Variants in RSU1 observed in about 807,000 individuals in gnomAD.
RSU1 encodes rsu-1.
RSU1 carries 26 observed loss-of-function variants against 31.1 expected under a neutral mutation model. That is an observed-to-expected ratio of 0.84 (90% CI 0.61 to 1.16). RSU1 has a LOEUF of 1.16. Ranked by LOEUF, RSU1 falls within the 50% of genes most tolerant of loss-of-function variation. The pLI is 0.00. For synonymous variants in RSU1, 164 were observed against 136.3 expected (o/e 1.20, Z -1.41); for missense variants, 320 against 339.1 (o/e 0.94, Z 0.44).
At chr10:16,784,312 G>A (rs1837723950) in intron 2 of RSU1, among the ~76,000 whole-genome samples, 1 of 152,148 alleles carries the variant, frequency 6.6e-6, no homozygotes, top group Non-Finnish European at 1.5e-5. Context: ...CTGTTGCCCA[G>A]GCTGGAGATT....
chr10:16,803,038 GT>G, intron 2 of RSU1, among the ~76,000 whole-genome samples: 1 of 152,208 alleles, frequency 6.6e-6, no homozygotes, highest in Non-Finnish European at 1.5e-5. Context: ...ACGCAGTAAG[GT>G]AAGAAAAAGC....
rs1346764024 is a variant in RSU1 at position 16,695,779 on chromosome 10, G to T, written c.599-624C>A. ...ATACTAATATTACTTTATAGGTGAA[G>T]AAATGGAAACTTAAGGAAATTAACT... On this transcript the variant is annotated intron_variant, in intron 7 of 8. Coordinates refer to ENST00000345264, the MANE Select transcript of RSU1 (RefSeq NM_012425.4). Among the ~76,000 whole-genome samples, 4 of 152,176 alleles carry T rather than the reference G, an allele frequency of 2.6e-5. No individual in the cohort carries two copies. The East Asian group carries it at 7.7e-4, about 29-fold the overall frequency.
chr10:16,603,240 T>C (rs572851786), intron 8 of RSU1, among the ~76,000 whole-genome samples: 3 of 152,232 alleles, frequency 2.0e-5, no homozygotes, highest in Admixed American at 1.3e-4. Flanking sequence ...TTAAGACAGA[T>C]AGCAAGCTAT....
intron 8 of RSU1, among the ~76,000 whole-genome samples, chr10:16,674,104 T>G (rs1835173949): frequency 6.6e-6 from 1 of 152,054 alleles, no homozygotes; most frequent in Non-Finnish European, 1.5e-5. Flanking sequence ...AAACAAAATA[T>G]AAGGCAAGTG....
chr10:16,707,957 T>G (rs1175153542), intron 7 of RSU1, among the ~76,000 whole-genome samples: 1 of 152,176 alleles, frequency 6.6e-6, no homozygotes, highest in Non-Finnish European at 1.5e-5. Flanking sequence ...CCCAGCACCA[T>G]TTACTAAAGA....
chr10:16,602,248 G>C (rs1833725545), intron 8 of RSU1, among the ~76,000 whole-genome samples: 2 of 152,206 alleles, frequency 1.3e-5, no homozygotes, highest in East Asian at 1.9e-4. Flanking sequence ...GATACATAAA[G>C]TGACTCCTGA....
At chr10:16,713,359 C>T (rs1335884429) in intron 7 of RSU1, among the ~76,000 whole-genome samples, 7 of 152,152 alleles carry the variant, frequency 4.6e-5, no homozygotes, top group Admixed American at 6.5e-5. Flanking sequence ...TTAATGGTAT[C>T]GCATGAGTCC....
chr10:16,641,663 A>T (rs962841258), intron 8 of RSU1, among the ~76,000 whole-genome samples: 6 of 152,128 alleles, frequency 3.9e-5, no homozygotes, highest in African/African-American at 1.4e-4. Flanking sequence ...TCCATTGCCA[A>T]CAACAGCCCC....
chr10:16,603,373 C>A lies in RSU1; in HGVS notation c.732-9877G>T, dbSNP rs145674094. Reference sequence around the variant, plus strand: ...GCAGAGCAAAACTAACAATATCATGCAAAAAAGATGCTCATTAAACTTCAT... The same window carrying A: ...GCAGAGCAAAACTAACAATATCATGAAAAAAAGATGCTCATTAAACTTCAT... On this transcript the variant is annotated intron_variant, in intron 8 of 8. Coordinates refer to ENST00000345264, the MANE Select transcript of RSU1 (RefSeq NM_012425.4). Among the ~76,000 whole-genome samples the A allele has an allele frequency of 3.0e-3, 461 of 152,204 alleles. 4 individuals carry two copies. Among genetic ancestry groups the A allele is most frequent in the African/African-American group, 0.011 (445 of 41,530 alleles).
intron 8 of RSU1, among the ~76,000 whole-genome samples, chr10:16,651,232 A>T (rs529478460): frequency 1.2e-4 from 19 of 152,340 alleles, no homozygotes; most frequent in African/African-American, 4.3e-4. Flanking sequence ...AATCAATGAT[A>T]TGAAGCAACC....
intron 8 of RSU1, among the ~76,000 whole-genome samples, chr10:16,647,821 G>A (rs1834599908): frequency 6.6e-6 from 1 of 152,160 alleles, no homozygotes; most frequent in Non-Finnish European, 1.5e-5. Context: ...TGTATGGGAT[G>A]TGAATTTTAT....
intron 8 of RSU1, among the ~76,000 whole-genome samples, chr10:16,623,443 C>G (rs947783285): frequency 6.6e-6 from 1 of 152,162 alleles, no homozygotes; most frequent in Non-Finnish European, 1.5e-5. Context: ...CGATGGGCAC[C>G]CAGGTTGATT....
intron 8 of RSU1, among the ~76,000 whole-genome samples, chr10:16,603,753 C>A (rs1833750907): frequency 6.6e-6 from 1 of 152,114 alleles, no homozygotes; most frequent in African/African-American, 2.4e-5. Context: ...GAGTGGATTT[C>A]TTTTATTTAT....
chr10:16,606,493 T>C (rs1833807464), intron 8 of RSU1, among the ~76,000 whole-genome samples: 2 of 152,126 alleles, frequency 1.3e-5, no homozygotes, highest in Non-Finnish European at 2.9e-5. Context: ...TGAATTTTTA[T>C]TATCATGGAA....
intron 8 of RSU1, among the ~76,000 whole-genome samples, chr10:16,652,316 G>C (rs1834698777): frequency 6.8e-6 from 1 of 146,652 alleles, no homozygotes. Context: ...GTAAAAGGAG[G>C]CTGATTGAGA....
intron 7 of RSU1, among the ~76,000 whole-genome samples, chr10:16,703,479 A>C (rs1326381245): frequency 1.3e-5 from 2 of 152,216 alleles, no homozygotes; most frequent in African/African-American, 4.8e-5. Context: ...CATATTAACA[A>C]TGATTTATGA....
At chr10:16,691,149 C>T (rs773376425) in intron 8 of RSU1, among the ~76,000 whole-genome samples, 1 of 152,014 alleles carries the variant, frequency 6.6e-6, no homozygotes, top group South Asian at 2.1e-4. Context: ...ACATGTAAAA[C>T]GTTTTTAAAA....
At position 16,679,264 on chromosome 10, in the gene RSU1, A is replaced by G. The variant is rs1013376532; in HGVS notation, c.731+15759T>C. 1.6e-4 allele frequency among the ~76,000 whole-genome samples: 24 copies of G among 152,228 alleles called. 2 individuals are homozygous for G. Among genetic ancestry groups the G allele is most frequent in the Non-Finnish European group, 4.4e-5 (3 of 68,042 alleles). On this transcript the variant is annotated intron_variant, in intron 8 of 8. Transcript: ENST00000345264. ...GGATGTCATGTGCAAAGCCCAGTCA[A>G]GAAGGAATCTTGCTTTCAAAAAGAC...
chr10:16,744,936 C>A (rs1303682521), intron 7 of RSU1, among the ~76,000 whole-genome samples: 2 of 152,176 alleles, frequency 1.3e-5, no homozygotes, highest in Admixed American at 6.5e-5. Context: ...AGTTTTCACA[C>A]AGGAGGATAA....
Sources: allele counts gnomAD v4.1 joint callset (sites outside exome capture counted in the v4.1 genomes callset), GRCh38; gene constraint gnomAD v4.1.1; transcripts MANE v1.5; gene names NCBI Gene and HGNC (gene_info 2026-07-23, HGNC 2026-07-21).